The following ADAMTSL1 variants were observed in gnomAD, a reference collection of about 807,000 sequenced individuals.
ADAMTSL1 encodes ADAMTS like 1, also known as ADAMTS-like protein 1.
ADAMTSL1 carries 126 observed loss-of-function variants against 201.8 expected under a neutral mutation model. The observed-to-expected ratio is 0.62, with a 90% CI of 0.54 to 0.72. ADAMTSL1 has a LOEUF of 0.72. Among genes scored for constraint, ADAMTSL1 ranks in the 30% least tolerant of loss-of-function variants. ADAMTSL1 has a pLI of 0.00. For missense variants in ADAMTSL1, 2,679 were observed against 2,277.8 expected (o/e 1.18, Z -3.59); for synonymous variants, 1,121 against 903.4 (o/e 1.24, Z -4.32).
intron 15 of ADAMTSL1, among the ~76,000 whole-genome samples, chr9:18,725,572 C>T (rs1035280649): frequency 3.9e-5 from 6 of 152,086 alleles, no homozygotes; most frequent in African/African-American, 9.7e-5. Flanking sequence ...GACCTAAGAT[C>T]AGTCATTAAA....
At position 18,104,604 on chromosome 9, in the gene ADAMTSL1, A is replaced by G. The variant is rs114039012; in HGVS notation, c.88-59258A>G. Reference sequence around the variant, plus strand: ...GACTCCAAAAGGCAGGAGGGAGGGAAGGTAGGGAGGGATGAACAATTACCT... The same window carrying G: ...GACTCCAAAAGGCAGGAGGGAGGGAGGGTAGGGAGGGATGAACAATTACCT... On this transcript the variant is annotated intron_variant, in intron 1 of 29. Coordinates refer to the ADAMTSL1 transcript ENST00000680146. Among the ~76,000 whole-genome samples, 550 of 152,224 alleles carry G rather than the reference A, an allele frequency of 3.6e-3. 5 individuals are homozygous for G. The highest frequency in any genetic ancestry group is 0.012 in the African/African-American group (511 of 41,564).
intron 28 of ADAMTSL1, 30 bp from the exon 29 acceptor site, chr9:18,908,412 T>C: frequency 6.5e-7 from 1 of 1,529,628 alleles, no homozygotes; most frequent in Non-Finnish European, 8.9e-7. Context: ...CTTTTCTGTC[T>C]CCTCTCCCGA....
chr9:18,507,280 C>T (rs150619050), intron 2 of ADAMTSL1, among the ~76,000 whole-genome samples: 6 of 152,128 alleles, frequency 3.9e-5, no homozygotes, highest in African/African-American at 7.2e-5. Flanking sequence ...AGCATATTAC[C>T]TCTGCGCCCT....
chr9:18,208,489 A>G (rs1829744727), intron 2 of ADAMTSL1, among the ~76,000 whole-genome samples: 1 of 152,186 alleles, frequency 6.6e-6, no homozygotes, highest in Admixed American at 6.5e-5. Flanking sequence ...CTGGGTCCTC[A>G]GGGCAAATGT....
chr9:17,991,686 C>T (rs770629652), intron 1 of ADAMTSL1, among the ~76,000 whole-genome samples: 5 of 152,106 alleles, frequency 3.3e-5, no homozygotes, highest in Non-Finnish European at 7.4e-5. Context: ...GTAAAGAAAA[C>T]GTGACTTGCA....
intron 2 of ADAMTSL1, among the ~76,000 whole-genome samples, chr9:18,441,060 C>T (rs1056948237): frequency 2.6e-5 from 4 of 151,802 alleles, no homozygotes; most frequent in African/African-American, 9.7e-5. Context: ...TGAAAGAAGC[C>T]GGACATAAAA....
At chr9:18,459,652 A>G (rs940629255) in intron 2 of ADAMTSL1, among the ~76,000 whole-genome samples, 1 of 152,168 alleles carries the variant, frequency 6.6e-6, no homozygotes, top group African/African-American at 2.4e-5. Flanking sequence ...TTGGGAAAGT[A>G]TTGAACATTG....
At chr9:18,093,376 A>G (rs931535812) in intron 1 of ADAMTSL1, among the ~76,000 whole-genome samples, 1 of 152,194 alleles carries the variant, frequency 6.6e-6, no homozygotes, top group Non-Finnish European at 1.5e-5. Flanking sequence ...TTTTAAATGC[A>G]GACAGTTTAG....
chr9:18,468,305 A>G (rs540062429), intron 2 of ADAMTSL1, among the ~76,000 whole-genome samples: 2 of 152,316 alleles, frequency 1.3e-5, no homozygotes, highest in East Asian at 1.9e-4. Context: ...ATGCTCTGCA[A>G]TGAGTTCTGT....
intron 2 of ADAMTSL1, among the ~76,000 whole-genome samples, chr9:18,376,529 G>A (rs1230488696): frequency 2.0e-5 from 3 of 152,216 alleles, no homozygotes; most frequent in Non-Finnish European, 4.4e-5. Context: ...TTAGGGCCCG[G>A]GGCGGTGGCT....
chr9:17,987,832 T>C (rs1009988060), intron 1 of ADAMTSL1, among the ~76,000 whole-genome samples: 4 of 152,216 alleles, frequency 2.6e-5, no homozygotes, highest in South Asian at 2.1e-4. Flanking sequence ...AGTCAGCAGT[T>C]GAGACCAGTG....
At chr9:18,046,834 T>G (rs1306932840) in intron 1 of ADAMTSL1, among the ~76,000 whole-genome samples, 3 of 152,130 alleles carry the variant, frequency 2.0e-5, no homozygotes, top group African/African-American at 4.8e-5. Flanking sequence ...CAGACACATA[T>G]CTAGTAAATA....
Position 18,109,723 on chromosome 9 carries a change from C to T in ADAMTSL1, c.88-54139C>T, listed in dbSNP as rs146681953. ...ACCAAAATCTTGTAGCCTAATTCTT[C>T]GGAACTTGAACCCAATGTCCCTTGA... On this transcript the variant is annotated intron_variant, in intron 1 of 29. Transcript: ENST00000680146. 3.6e-3 allele frequency among the ~76,000 whole-genome samples: 545 copies of T among 152,234 alleles called. 3 individuals carry two copies. The highest frequency in any genetic ancestry group is 0.012 in the African/African-American group (510 of 41,558).
chr9:17,984,145 A>G (rs970271538), intron 1 of ADAMTSL1, among the ~76,000 whole-genome samples: 1 of 152,182 alleles, frequency 6.6e-6, no homozygotes, highest in Non-Finnish European at 1.5e-5. Context: ...AACTTACTTT[A>G]GCAATTAGCA....
At chr9:18,666,063 A>G (rs188689206) in intron 9 of ADAMTSL1, among the ~76,000 whole-genome samples, 64 of 152,276 alleles carry the variant, frequency 4.2e-4, no homozygotes, top group Admixed American at 1.4e-3. Flanking sequence ...TCATTCTTCT[A>G]AAAGCAAGCC....
At chr9:18,435,050 A>G (rs1003988505) in intron 2 of ADAMTSL1, among the ~76,000 whole-genome samples, 2 of 152,216 alleles carry the variant, frequency 1.3e-5, no homozygotes, top group African/African-American at 4.8e-5. Context: ...TGAATGCATA[A>G]AAGAGTCAAA....
intron 19 of ADAMTSL1, among the ~76,000 whole-genome samples, chr9:18,785,481 C>T (rs1821655167): frequency 6.6e-6 from 1 of 152,214 alleles, no homozygotes; most frequent in African/African-American, 2.4e-5. Flanking sequence ...ATAAACATTA[C>T]AATTGCTACA....
At chr9:18,273,967 C>T (rs1340950090) in intron 2 of ADAMTSL1, among the ~76,000 whole-genome samples, 8 of 152,160 alleles carry the variant, frequency 5.3e-5, no homozygotes, top group African/African-American at 4.8e-5. Flanking sequence ...CCCTAAAATG[C>T]GTAAATCCTG....
At chr9:18,742,313 G>A (rs915943224) in intron 15 of ADAMTSL1, among the ~76,000 whole-genome samples, 9 of 152,272 alleles carry the variant, frequency 5.9e-5, no homozygotes, top group African/African-American at 1.7e-4. Context: ...AGTAAATAGA[G>A]ACATTTATAG....
Sources: gnomAD v4.1 joint callset for allele counts (sites outside exome capture counted in the v4.1 genomes callset) on GRCh38, gnomAD v4.1.1 for gene constraint, MANE v1.5 for transcripts, NCBI Gene and HGNC (gene_info 2026-07-23, HGNC 2026-07-21) for gene names.